ERBB4: variants seen among roughly 807,000 people sequenced by gnomAD.
ERBB4 encodes the protein receptor tyrosine-protein kinase erbB-4.
In ERBB4, 42 loss-of-function variants were observed where a neutral mutation model predicts 158.0. The observed-to-expected ratio is 0.27, with a 90% CI of 0.21 to 0.34. The LOEUF is 0.34. Among genes scored for constraint, ERBB4 ranks in the 10% least tolerant of loss-of-function variants. ERBB4 has a pLI of 1.00. For missense variants in ERBB4, 1,333 were observed against 1,624.1 expected (o/e 0.82, Z 3.08); for synonymous variants, 583 against 558.7 (o/e 1.04, Z -0.61).
At chr2:212,487,543 C>T (rs1690042312) in intron 1 of ERBB4, among the ~76,000 whole-genome samples, 1 of 150,370 alleles carries the variant, frequency 6.7e-6, no homozygotes, top group African/African-American at 2.4e-5. Context: ...ACACTCCCAC[C>T]AGGTTAGGCA....
chr2:211,651,977 C>G (rs749090469), intron 16 of ERBB4, among the ~76,000 whole-genome samples: 7 of 152,092 alleles, frequency 4.6e-5, no homozygotes, highest in Non-Finnish European at 7.4e-5. Flanking sequence ...ACTTCAAGTT[C>G]TATTTTATTA....
At chr2:212,144,102 A>C (rs1325706459) in intron 1 of ERBB4, among the ~76,000 whole-genome samples, 1 of 152,122 alleles carries the variant, frequency 6.6e-6, no homozygotes, top group African/African-American at 2.4e-5. Flanking sequence ...TTTGGCTACC[A>C]TTGAAACTGT....
In ERBB4 at chr2:212,322,360, C is replaced by T. The variant is rs138438931; in HGVS notation, c.83-197457G>A. ...TTGCCTATGACAACAGGAAAGGTGCCCAATTTCTGTCACCTGGTAAACACT... is the reference window on the plus strand; with the variant it reads ...TTGCCTATGACAACAGGAAAGGTGCTCAATTTCTGTCACCTGGTAAACACT... On this transcript the variant is annotated intron_variant, in intron 1 of 27. Transcript: ENST00000342788. Among the ~76,000 whole-genome samples the T allele has an allele frequency of 2.6e-3, 393 of 150,188 alleles. 19 individuals are homozygous for T. Among genetic ancestry groups the T allele is most frequent in the African/African-American group, 9.0e-3 (370 of 41,300 alleles).
chr2:211,972,005 C>A (rs568366875), intron 2 of ERBB4, among the ~76,000 whole-genome samples: 1 of 152,300 alleles, frequency 6.6e-6, no homozygotes, highest in Admixed American at 6.5e-5. Flanking sequence ...GATTCTATAT[C>A]TAGAAAACCC....
chr2:212,284,571 G>T (rs180794939), intron 1 of ERBB4, among the ~76,000 whole-genome samples: 121 of 152,142 alleles, frequency 8.0e-4, no homozygotes, highest in African/African-American at 1.9e-3. Flanking sequence ...TCCATTTGTG[G>T]TGTACTTCAA....
chr2:211,727,004 T>C (rs534102931), intron 5 of ERBB4, among the ~76,000 whole-genome samples: 2 of 152,266 alleles, frequency 1.3e-5, no homozygotes, highest in East Asian at 3.9e-4. Flanking sequence ...AAATCCTTCC[T>C]AGCTTCTCAG....
At position 211,379,047 on chromosome 2, in the gene ERBB4, A is replaced by T. The variant is rs1360163681; in HGVS notation, c.*4568T>A. On this transcript the variant is annotated 3_prime_UTR_variant, in exon 28 of 28. Transcript: ENST00000342788. ...GCCCTATAACAATCATCATTCTAAT[A>T]ACTAAAGTCCAAAAGAATGGCAATG... 8.6e-6 allele frequency: 2 copies of T among 231,622 alleles called. No homozygotes were observed. 14.3% of individuals were successfully genotyped at this position (231,622 alleles called of 1,614,324 possible).
At chr2:211,785,688 A>G (rs1235259894) in intron 4 of ERBB4, among the ~76,000 whole-genome samples, 2 of 152,042 alleles carry the variant, frequency 1.3e-5, no homozygotes, top group East Asian at 3.9e-4. Context: ...CCTTTAAAAT[A>G]TATTATTTAT....
intron 9 of ERBB4, among the ~76,000 whole-genome samples, chr2:211,706,602 A>AAC (rs1363232022): frequency 2.3e-5 from 3 of 132,238 alleles, no homozygotes; most frequent in East Asian, 2.5e-4. Flanking sequence ...TTAAAAAAAC[A>AAC]AAAAAAAAAA....
rs144106024 is a variant in ERBB4 at position 211,856,059 on chromosome 2, C to G, written c.422-67900G>C. ...GGTACACTAAAAGCTAAGAATTAAC[C>G]ACTACACAGTGTACCCATGTAACAA... is the stretch of plus-strand genomic sequence containing the variant. On this transcript the variant is annotated intron_variant, in intron 3 of 27. Transcript: ENST00000342788. 4.9e-3 allele frequency among the ~76,000 whole-genome samples: 752 copies of G among 152,246 alleles called. 12 individuals are homozygous for G. The highest frequency in any genetic ancestry group is 7.5e-3 in the Non-Finnish European group (512 of 68,022).
intron 1 of ERBB4, among the ~76,000 whole-genome samples, chr2:212,208,801 A>G (rs2082843765): frequency 6.6e-6 from 1 of 152,200 alleles, no homozygotes; most frequent in African/African-American, 2.4e-5. Flanking sequence ...ATCCAAGGCA[A>G]AGAACGTATC....
At chr2:211,708,481 T>C (rs2073537651) in intron 9 of ERBB4, among the ~76,000 whole-genome samples, 1 of 152,172 alleles carries the variant, frequency 6.6e-6, no homozygotes, top group Non-Finnish European at 1.5e-5. Context: ...ATCAAGTCTA[T>C]AAAATTAATA....
intron 5 of ERBB4, among the ~76,000 whole-genome samples, chr2:211,733,087 T>A (rs1234827629): frequency 1.3e-5 from 2 of 152,222 alleles, no homozygotes; most frequent in Non-Finnish European, 2.9e-5. Context: ...ATGATAATAT[T>A]GTTAGTTGTG....
intron 5 of ERBB4, among the ~76,000 whole-genome samples, chr2:211,746,340 G>C (rs1032558722): frequency 2.0e-5 from 3 of 152,196 alleles, no homozygotes; most frequent in Non-Finnish European, 4.4e-5. Context: ...AATTTGTTGA[G>C]TTTAAATTTG....
chr2:212,044,106 T>A (rs1372482452), intron 2 of ERBB4, among the ~76,000 whole-genome samples: 3 of 152,064 alleles, frequency 2.0e-5, no homozygotes, highest in Non-Finnish European at 4.4e-5. Context: ...TTGTCTAGGG[T>A]CATAAATTTA....
chr2:211,947,662 A>T (rs2125139021), intron 2 of ERBB4, 46 bp from the exon 3 acceptor site: 1 of 1,523,674 alleles, frequency 6.6e-7, no homozygotes, highest in East Asian at 2.3e-5. Flanking sequence ...CGAATTTGTC[A>T]CTCTGTATAT....
At chr2:212,092,137 C>T (rs1351742426) in intron 2 of ERBB4, among the ~76,000 whole-genome samples, 1 of 152,124 alleles carries the variant, frequency 6.6e-6, no homozygotes, top group African/African-American at 2.4e-5. Context: ...CTAAAACTGC[C>T]TAATTATGAT....
At chr2:211,709,249 A>G (rs2073578230) in intron 9 of ERBB4, among the ~76,000 whole-genome samples, 2 of 84,280 alleles carry the variant, frequency 2.4e-5, no homozygotes, top group African/African-American at 1.1e-4. Context: ...ATATATATAT[A>G]TACACATATA....
intron 19 of ERBB4, 121 bp from the exon 20 acceptor site, chr2:211,562,209 T>G: frequency 1.3e-6 from 1 of 791,884 alleles, no homozygotes. Flanking sequence ...ATGGAATCAA[T>G]CAAAATGAAA....
Sources: gnomAD v4.1 joint callset for allele counts (sites outside exome capture counted in the v4.1 genomes callset) on GRCh38, gnomAD v4.1.1 for gene constraint, MANE v1.5 for transcripts, NCBI Gene and HGNC (gene_info 2026-07-23, HGNC 2026-07-21) for gene names.